Variants in SH3PXD2A observed in about 807,000 individuals in gnomAD.
SH3PXD2A encodes SH3 and PX domain-containing protein 2A.
A neutral mutation model predicts 115.2 loss-of-function variants in SH3PXD2A; 32 were observed. The ratio of observed to expected loss-of-function variants is 0.28; its 90% CI spans 0.21 to 0.37. SH3PXD2A has a LOEUF of 0.37. SH3PXD2A is among the 10% of genes least tolerant of loss of function. The pLI, the probability that SH3PXD2A is intolerant of heterozygous loss-of-function variation, is 1.00. For synonymous variants in SH3PXD2A, 610 were observed against 629.1 expected, an observed-to-expected ratio of 0.97 and a Z score of 0.45; for missense variants, 1,328 against 1,498.7, an observed-to-expected ratio of 0.89 and a Z score of 1.88.
At position 103,746,223 on chromosome 10, in the gene SH3PXD2A, A is replaced by C. The variant is rs1438593430; in HGVS notation, c.230-10415T>G. The C allele has an allele frequency of 6.6e-6, 1 of 152,238 alleles. No individual in the cohort carries two copies. The highest frequency in any genetic ancestry group is 6.5e-5 in the Admixed American group (1 of 15,284). 9.4% of individuals were successfully genotyped at this position (152,238 alleles called of 1,614,324 possible). ...AAAGCACCTAGTCCCAGGCCCATGG[A>C]GGGACTAATACATCTTTGCTGAACC... On this transcript the variant is annotated intron_variant, in intron 3 of 14. Transcript: ENST00000369774. The surrounding 1 kb of genome is among the most constrained non-coding windows in gnomAD (Gnocchi z 4.4).
intron 1 of SH3PXD2A, among the ~76,000 whole-genome samples, chr10:103,842,014 A>G (rs1187747337): frequency 6.6e-6 from 1 of 151,522 alleles, no homozygotes; most frequent in African/African-American, 2.4e-5. Flanking sequence ...AGTCCCAGCT[A>G]CTCGGGAGGC....
intron 4 of SH3PXD2A, among the ~76,000 whole-genome samples, chr10:103,726,124 G>A (rs2038238565): frequency 1.3e-5 from 2 of 152,198 alleles, no homozygotes; most frequent in Admixed American, 6.5e-5. Context: ...AGGGAGCCGA[G>A]GGCTAGAGCC....
intron 8 of SH3PXD2A, among the ~76,000 whole-genome samples, chr10:103,640,816 G>A (rs1458755875): frequency 6.6e-6 from 1 of 152,136 alleles, no homozygotes; most frequent in East Asian, 1.9e-4. Context: ...GAAGAAAGGG[G>A]GCCTGGCAGT....
intron 13 of SH3PXD2A, among the ~76,000 whole-genome samples, chr10:103,607,160 T>C (rs1283065874): frequency 2.6e-5 from 3 of 115,596 alleles, no homozygotes; most frequent in African/African-American, 6.8e-5. Context: ...CCGTCTGGGA[T>C]GTGAGGAGCG....
intron 8 of SH3PXD2A, among the ~76,000 whole-genome samples, chr10:103,655,291 A>C (rs1201020097): frequency 2.6e-5 from 4 of 152,212 alleles, no homozygotes; most frequent in African/African-American, 9.7e-5. Flanking sequence ...TAAGCATGTT[A>C]GTTCAGTTTT....
chr10:103,828,012 G>A (rs7075468), intron 1 of SH3PXD2A, among the ~76,000 whole-genome samples: 151,865 of 152,340 alleles, frequency 1, 75,704 homozygotes, highest in Middle Eastern at 1. Flanking sequence ...ATTACAGCTC[G>A]GTAAATGCTG....
rs180834513 is a variant in SH3PXD2A at position 103,794,869 on chromosome 10, G to A, written c.153+6413C>T. Reference sequence around the variant, plus strand: ...GAACCTGACCTGGTTTCCAGAAGAAGTGTTTGGAATAGCCGCTGAGCTGAA... The same window carrying A: ...GAACCTGACCTGGTTTCCAGAAGAAATGTTTGGAATAGCCGCTGAGCTGAA... On this transcript the variant is annotated intron_variant, in intron 2 of 14. Coordinates refer to ENST00000369774, the MANE Select transcript of SH3PXD2A (RefSeq NM_001394015.1). Among the ~76,000 whole-genome samples, 621 of 152,324 alleles carry A rather than the reference G, an allele frequency of 4.1e-3. 13 individuals carry two copies. The highest frequency in any genetic ancestry group is 2.5e-3 in the Non-Finnish European group (172 of 68,028).
intron 8 of SH3PXD2A, among the ~76,000 whole-genome samples, chr10:103,640,470 A>G (rs570498590): frequency 6.6e-6 from 1 of 152,258 alleles, no homozygotes; most frequent in East Asian, 1.9e-4. Context: ...GAGGGTAAGT[A>G]GACCCCAGGC....
chr10:103,735,712 A>ACC lies in SH3PXD2A; in HGVS notation c.306+19_306+20insGG. 1.2e-6 allele frequency: 1 copy of ACC among 813,612 alleles called. No individual in the cohort carries two copies. Among genetic ancestry groups the ACC allele is most frequent in the Non-Finnish European group, 2.0e-6 (1 of 509,542 alleles). 50.4% of individuals were successfully genotyped at this position (813,612 alleles called of 1,614,324 possible). A position where few individuals can be genotyped will look rare whatever the true frequency, so the allele number is the denominator to read the frequency against. On this transcript the variant is annotated intron_variant, in intron 4 of 14. Transcript: ENST00000369774. ...GAAGCCCTCCCCGAGCCCCTCCCCC[A>ACC]GCCCCAGATACACTCTCACCCGGCA...
chr10:103,617,657 C>A (rs544767086), intron 10 of SH3PXD2A, among the ~76,000 whole-genome samples: 4 of 152,316 alleles, frequency 2.6e-5, no homozygotes, highest in African/African-American at 9.6e-5. Context: ...GCTTGCTGGG[C>A]CGAGGGCAGG....
intron 1 of SH3PXD2A, among the ~76,000 whole-genome samples, chr10:103,840,328 G>A (rs1195637216): frequency 6.6e-6 from 1 of 152,044 alleles, no homozygotes; most frequent in Non-Finnish European, 1.5e-5. Flanking sequence ...CCCCGGCCCA[G>A]CCCCCTCCCC....
intron 3 of SH3PXD2A, among the ~76,000 whole-genome samples, chr10:103,755,892 G>A (rs1210606251): frequency 6.6e-6 from 1 of 152,174 alleles, no homozygotes; most frequent in South Asian, 2.1e-4. Context: ...CACGAGCTTC[G>A]ATCTTGACAG....
At chr10:103,783,635 G>A (rs2073341) in intron 2 of SH3PXD2A, among the ~76,000 whole-genome samples, 81,885 of 152,092 alleles carry the variant, frequency 0.54, 23,467 homozygotes, top group South Asian at 0.77. Context: ...TGTCAAAGCT[G>A]GCATCTGCTG....
chr10:103,691,492 A>C (rs774096512), intron 6 of SH3PXD2A, among the ~76,000 whole-genome samples: 3 of 152,014 alleles, frequency 2.0e-5, no homozygotes, highest in Admixed American at 1.3e-4. Context: ...CACAACCCCC[A>C]TTTTGCTGCG....
At chr10:103,705,753 G>A (rs1426180780) in intron 5 of SH3PXD2A, among the ~76,000 whole-genome samples, 1 of 152,158 alleles carries the variant, frequency 6.6e-6, no homozygotes, top group Non-Finnish European at 1.5e-5. Flanking sequence ...GTGGTGAAGA[G>A]AAAGGTAAAA....
intron 5 of SH3PXD2A, among the ~76,000 whole-genome samples, chr10:103,705,436 T>G (rs2037969721): frequency 6.6e-6 from 1 of 152,212 alleles, no homozygotes; most frequent in Admixed American, 6.5e-5. Context: ...GAGCACTACA[T>G]TTGTCAAGCA....
chr10:103,656,014 T>C (rs1239832840), intron 8 of SH3PXD2A, among the ~76,000 whole-genome samples: 1 of 152,214 alleles, frequency 6.6e-6, no homozygotes, highest in African/African-American at 2.4e-5. Context: ...GCCCATGTAG[T>C]ATGTATCACT....
At chr10:103,766,479 T>C (rs757428382) in intron 3 of SH3PXD2A, among the ~76,000 whole-genome samples, 2 of 152,196 alleles carry the variant, frequency 1.3e-5, no homozygotes, top group African/African-American at 4.8e-5. Context: ...GGGGAGATTA[T>C]AGTACACACC....
At chr10:103,778,118 A>G (rs779339205) in intron 2 of SH3PXD2A, among the ~76,000 whole-genome samples, 4 of 152,160 alleles carry the variant, frequency 2.6e-5, no homozygotes, top group Admixed American at 1.3e-4. Flanking sequence ...TCACGAGGTC[A>G]GGAGATCGAG....
Sources: allele counts gnomAD v4.1 joint callset (sites outside exome capture counted in the v4.1 genomes callset), GRCh38; gene constraint gnomAD v4.1.1; non-coding constraint Gnocchi (gnomAD v3.1); transcripts MANE v1.5; gene names NCBI Gene and HGNC (gene_info 2026-07-23, HGNC 2026-07-21).